Variants in TTC39B observed in about 807,000 individuals in gnomAD.
TTC39B encodes tetratricopeptide repeat protein 39B.
In TTC39B, 92 loss-of-function variants were observed where a neutral mutation model predicts 96.6. The observed-to-expected ratio is 0.95, with a 90% CI of 0.80 to 1.13. The LOEUF is 1.13. Among genes scored for constraint, TTC39B ranks in the 50% most tolerant of loss-of-function variants. TTC39B has a pLI of 0.00. For synonymous variants in TTC39B, 367 were observed against 299.4 expected, an observed-to-expected ratio of 1.23 and a Z score of -2.33; for missense variants, 955 against 809.3, an observed-to-expected ratio of 1.18 and a Z score of -2.18.
At chr9:15,226,068 T>G (rs767617902) in intron 2 of TTC39B, 56 bp from the exon 3 acceptor site, 73 of 1,471,782 alleles carry the variant, frequency 5.0e-5, no homozygotes, top group Non-Finnish European at 6.6e-5. Flanking sequence ...GTGAGAAAAG[T>G]CTACACCAGT....
At position 15,175,150 on chromosome 9, in the gene TTC39B, G is replaced by T. The variant is rs1243307030; in HGVS notation, c.1842-15C>A. On this transcript the variant is annotated splice_polypyrimidine_tract_variant and intron_variant, in intron 18 of 19. Transcript: ENST00000512701. ...GTAGCTTTTCACTGAAAGAGCAGAG[G>T]AAAATCAAGTAAATCTTAACAGAAC... 6.5e-7 allele frequency: 1 copy of T among 1,534,884 alleles called. No individual in the cohort carries two copies. Among genetic ancestry groups the T allele is most frequent in the South Asian group, 1.1e-5 (1 of 88,822 alleles).
chr9:15,265,303 A>G (rs150365544), intron 2 of TTC39B, among the ~76,000 whole-genome samples: 107 of 152,330 alleles, frequency 7.0e-4, no homozygotes, highest in Non-Finnish European at 1.3e-3. Context: ...ACAAGCATCA[A>G]TGTGCACTGC....
intron 1 of TTC39B, among the ~76,000 whole-genome samples, chr9:15,280,352 A>C (rs1309186850): frequency 6.6e-6 from 1 of 152,212 alleles, no homozygotes; most frequent in East Asian, 1.9e-4. Context: ...TTACAGAAAA[A>C]GTTTGCCTAC....
chr9:15,285,766 A>C (rs760502198), intron 1 of TTC39B, among the ~76,000 whole-genome samples: 285 of 152,168 alleles, frequency 1.9e-3, no homozygotes, highest in Non-Finnish European at 3.1e-3. Context: ...GAGGCAGGAG[A>C]ATGGCGTGAA....
chr9:15,172,393 G>A (rs1433757210), intron 19 of TTC39B, among the ~76,000 whole-genome samples: 1 of 152,062 alleles, frequency 6.6e-6, no homozygotes, highest in Admixed American at 6.6e-5. Context: ...AAGAAGTTGT[G>A]AGAAGGGCTG....
In TTC39B at chr9:15,177,481, T is replaced by C. The variant is rs549024635; in HGVS notation, c.1841+216A>G. On this transcript the variant is annotated intron_variant, in intron 18 of 19. Coordinates refer to ENST00000512701, the Ensembl canonical transcript of TTC39B. Reference sequence around the variant, plus strand: ...TAAATACAGTTTTTGTAAGTCATCTTTAAACATCAAGTAGAAATACATAAA... The same window carrying C: ...TAAATACAGTTTTTGTAAGTCATCTCTAAACATCAAGTAGAAATACATAAA... Among the ~76,000 whole-genome samples, 80 of 152,348 alleles carry C rather than the reference T, an allele frequency of 5.3e-4. 1 individual carries two copies. In the South Asian group the frequency reaches 0.016, roughly 31 times the overall value.
intron 8 of TTC39B, among the ~76,000 whole-genome samples, chr9:15,199,229 T>C (rs958888404): frequency 6.6e-6 from 1 of 152,210 alleles, no homozygotes; most frequent in Non-Finnish European, 1.5e-5. Flanking sequence ...GCAGTGCTGC[T>C]CTGGAGTCTG....
chr9:15,247,772 C>T (rs1210191769), intron 2 of TTC39B, among the ~76,000 whole-genome samples: 1 of 151,124 alleles, frequency 6.6e-6, no homozygotes, highest in Non-Finnish European at 1.5e-5. Context: ...CAAAAAAAAA[C>T]TATGCATTTT....
chr9:15,186,913 G>C (rs376812326), intron 15 of TTC39B, 31 bp downstream of exon 15: 4 of 1,595,392 alleles, frequency 2.5e-6, no homozygotes, highest in Non-Finnish European at 3.4e-6. Context: ...TACCCTCAGA[G>C]CCTTTGTTAT....
At position 15,236,290 on chromosome 9, in the gene TTC39B, GCAAC is replaced by G. The variant is rs1315860466; in HGVS notation, c.276-10282_276-10279del. On this transcript the variant is annotated intron_variant, in intron 2 of 19. Transcript: ENST00000512701. ...AGATTTAACTATTCTAAATATACAT[GCAAC>G]CAATACTGGGGCACCCAGATTTATC... Among the ~76,000 whole-genome samples, 4 of 152,166 alleles carry G rather than the reference GCAAC, an allele frequency of 2.6e-5. No homozygotes were observed. The South Asian group carries it at 6.2e-4, about 24-fold the overall frequency.
intron 2 of TTC39B, among the ~76,000 whole-genome samples, chr9:15,265,420 T>C (rs10961948): frequency 0.23 from 35,331 of 152,070 alleles, 5,361 homozygotes; most frequent in African/African-American, 0.43. Context: ...GGAAAAGCAG[T>C]GTCTCCTCTG....
At chr9:15,189,851 G>C (rs1818756862) in intron 11 of TTC39B, 59 bp from the exon 12 acceptor site, 9 of 1,218,048 alleles carry the variant, frequency 7.4e-6, no homozygotes, top group Non-Finnish European at 9.5e-6. Flanking sequence ...TTTATAACCA[G>C]CTCTCCAAAT....
At chr9:15,229,650 G>C (rs946463238) in intron 2 of TTC39B, among the ~76,000 whole-genome samples, 8 of 152,028 alleles carry the variant, frequency 5.3e-5, no homozygotes, top group Non-Finnish European at 7.4e-5. Flanking sequence ...ATGATACTTT[G>C]ACATACTGGA....
At chr9:15,223,528 A>G (rs1358033779) in intron 3 of TTC39B, among the ~76,000 whole-genome samples, 1 of 152,200 alleles carries the variant, frequency 6.6e-6, no homozygotes, top group Non-Finnish European at 1.5e-5. Context: ...AGGAGGAGTA[A>G]CATATGAGGT....
chr9:15,302,495 A>G (rs1223380506), intron 1 of TTC39B, among the ~76,000 whole-genome samples: 2 of 131,850 alleles, frequency 1.5e-5, no homozygotes, highest in Non-Finnish European at 3.1e-5. Context: ...CACATGCATC[A>G]CGCCACTGCA....
chr9:15,265,182 G>A (rs769864958), intron 2 of TTC39B, among the ~76,000 whole-genome samples: 3 of 148,164 alleles, frequency 2.0e-5, no homozygotes, highest in Non-Finnish European at 4.4e-5. Flanking sequence ...TCTGTGGTTT[G>A]ATTTTTTTAA....
chr9:15,253,254 G>A (rs566563257), intron 2 of TTC39B, among the ~76,000 whole-genome samples: 1 of 152,264 alleles, frequency 6.6e-6, no homozygotes, highest in South Asian at 2.1e-4. Flanking sequence ...GGGCCCTAAA[G>A]GCAATCACAA....
intron 1 of TTC39B, among the ~76,000 whole-genome samples, chr9:15,305,223 G>A (rs146467841): frequency 7.9e-5 from 12 of 152,210 alleles, no homozygotes; most frequent in Non-Finnish European, 1.5e-4. Flanking sequence ...ACATTTACTT[G>A]AGCTCCTTTT....
intron 1 of TTC39B, among the ~76,000 whole-genome samples, chr9:15,276,625 TATAA>T: frequency 6.6e-6 from 1 of 152,356 alleles, no homozygotes; most frequent in Non-Finnish European, 1.5e-5. Flanking sequence ...TACTACGCAC[TATAA>T]ATAAATACAC....
Sources: gnomAD v4.1 joint callset for allele counts (sites outside exome capture counted in the v4.1 genomes callset) on GRCh38, gnomAD v4.1.1 for gene constraint, MANE v1.5 for transcripts, NCBI Gene and HGNC (gene_info 2026-07-23, HGNC 2026-07-21) for gene names.